PTPRG: variants seen among roughly 807,000 people sequenced by gnomAD.
PTPRG encodes protein tyrosine phosphatase receptor type G.
Under a neutral mutation model 165.3 loss-of-function variants are expected in PTPRG, and 102 were observed. The ratio of observed to expected loss-of-function variants is 0.62; its 90% confidence interval spans 0.53 to 0.73. PTPRG has a LOEUF of 0.73. PTPRG is among the 30% of genes least tolerant of loss of function. The probability of loss-of-function intolerance (pLI) is 0.00; values close to 1 mark genes in which losing one functional copy is unlikely to be tolerated. For synonymous variants in PTPRG, 675 were observed against 669.5 expected, an observed-to-expected ratio of 1.01 and a Z score of -0.13; for missense variants, 1,866 against 1,861.4, an observed-to-expected ratio of 1.00 and a Z score of -0.05.
chr3:61,739,878 A>G (rs1426671711), intron 1 of PTPRG, among the ~76,000 whole-genome samples: 2 of 152,242 alleles, frequency 1.3e-5, no homozygotes, highest in East Asian at 3.9e-4. Flanking sequence ...TGCTATTCAC[A>G]TAGCATATTG....
chr3:61,660,883 T>A (rs1702640019), intron 1 of PTPRG, among the ~76,000 whole-genome samples: 1 of 151,998 alleles, frequency 6.6e-6, no homozygotes, highest in Non-Finnish European at 1.5e-5. Flanking sequence ...CACCTTGTAA[T>A]CCCAGCTACT....
At chr3:61,981,931 TAA>T (rs2040652282) in intron 2 of PTPRG, among the ~76,000 whole-genome samples, 1 of 152,242 alleles carries the variant, frequency 6.6e-6, no homozygotes, top group African/African-American at 2.4e-5. Context: ...TCTTTATGAA[TAA>T]CTAGTCATAC....
chr3:62,088,907 C>T (rs7620387), intron 5 of PTPRG, among the ~76,000 whole-genome samples: 3,750 of 152,234 alleles, frequency 0.025, 157 homozygotes, highest in African/African-American at 0.085. Context: ...TTGTCTCTTG[C>T]GAAATCTTTT....
At chr3:61,930,736 G>T (rs748108997) in intron 2 of PTPRG, among the ~76,000 whole-genome samples, 1 of 152,136 alleles carries the variant, frequency 6.6e-6, no homozygotes, top group Non-Finnish European at 1.5e-5. Context: ...TAATTATGCT[G>T]TCGAACCACT....
At position 62,120,215 on chromosome 3, in the gene PTPRG, G is replaced by C. The variant is rs116890195; in HGVS notation, c.616-12387G>C. On this transcript the variant is annotated intron_variant, in intron 5 of 29. Transcript: ENST00000474889. ...TACAGCAGAGAAAGCAGGCAAACCAGTTAGGTCAGGCTTCTGGAAGTGGTT... is the reference window on the plus strand; with the variant it reads ...TACAGCAGAGAAAGCAGGCAAACCACTTAGGTCAGGCTTCTGGAAGTGGTT... 6.7e-3 allele frequency among the ~76,000 whole-genome samples: 1,013 copies of C among 152,226 alleles called. 26 individuals are homozygous for C. The highest frequency in any genetic ancestry group is 0.046 in the East Asian group (237 of 5,178).
Position 61,748,992 on chromosome 3 carries a change from G to A in PTPRG, c.190+10G>A, listed in dbSNP as rs1474815492. 1.2e-6 allele frequency: 2 copies of A among 1,607,200 alleles called. No individual in the cohort carries two copies. Among genetic ancestry groups the A allele is most frequent in the Non-Finnish European group, 8.5e-7 (1 of 1,174,652 alleles). On this transcript the variant is annotated intron_variant, in intron 2 of 29. Coordinates refer to ENST00000474889, the MANE Select transcript of PTPRG (RefSeq NM_002841.4). ...TACTGGGCCTACTCTGGTAAGTCCA[G>A]TTGTTCTAATGGAGATCACACAGGC...
chr3:62,276,906 A>G, intron 24 of PTPRG, 66 bp from the exon 25 acceptor site: 3 of 1,222,146 alleles, frequency 2.5e-6, no homozygotes, highest in South Asian at 1.3e-5. Context: ...CAAATCTCAG[A>G]AAGAGCTGTT....
At chr3:61,844,874 C>T (rs967644651) in intron 2 of PTPRG, among the ~76,000 whole-genome samples, 1 of 152,124 alleles carries the variant, frequency 6.6e-6, no homozygotes, top group African/African-American at 2.4e-5. Context: ...TTTAAAGGGA[C>T]ATTGAATGGT....
intron 14 of PTPRG, among the ~76,000 whole-genome samples, chr3:62,242,530 C>T (rs1037866930): frequency 2.0e-5 from 3 of 152,176 alleles, no homozygotes; most frequent in Non-Finnish European, 2.9e-5. Context: ...GCGCTTCATA[C>T]TATGACATGT....
At chr3:61,657,424 G>T (rs1421438564) in intron 1 of PTPRG, among the ~76,000 whole-genome samples, 1 of 152,092 alleles carries the variant, frequency 6.6e-6, no homozygotes, top group Non-Finnish European at 1.5e-5. Context: ...TTTGAGGCCA[G>T]GAGTTTGGTA....
Position 61,676,471 on chromosome 3 carries a change from A to AAAAAAAAAAAG in PTPRG, c.86-72404_86-72403insAAAAAAAGAAA, listed in dbSNP as rs369505317. On this transcript the variant is annotated intron_variant, in intron 1 of 29. Transcript: ENST00000474889. ...GACTCCATCTCAAAAAAAAAAAAAA[A>AAAAAAAAAAAG]AAAGAAAATTACTAAAGTCTGTGAA... Among the ~76,000 whole-genome samples, 555 of 97,896 alleles carry AAAAAAAAAAAG rather than the reference A, an allele frequency of 5.7e-3. 32 individuals carry two copies. The highest frequency in any genetic ancestry group is 8.8e-3 in the Non-Finnish European group (373 of 42,430). The allele number at this position is 97,896 out of a possible 152,430, so 64.2% of individuals were successfully genotyped here. A position where few individuals can be genotyped will look rare whatever the true frequency, so the allele number is the denominator to read the frequency against.
chr3:61,843,179 A>G (rs564522595), intron 2 of PTPRG, among the ~76,000 whole-genome samples: 1 of 152,302 alleles, frequency 6.6e-6, no homozygotes, highest in South Asian at 2.1e-4. Flanking sequence ...TCCCACCAAT[A>G]TTTGAAAATG....
chr3:62,201,489 T>C lies in PTPRG; in HGVS notation c.1328-16T>C. ...AAAAAGTTATATTGCTTAAATGTAATTTCTTTGTTTCTCAGCTAATACCAC... is the reference window on the plus strand; with the variant it reads ...AAAAAGTTATATTGCTTAAATGTAACTTCTTTGTTTCTCAGCTAATACCAC... On this transcript the variant is annotated splice_polypyrimidine_tract_variant and intron_variant, in intron 10 of 29. Transcript: ENST00000474889. 1 of 1,587,924 alleles carries C rather than the reference T, an allele frequency of 6.3e-7. No individual in the cohort carries two copies. Among genetic ancestry groups the C allele is most frequent in the Non-Finnish European group, 8.6e-7 (1 of 1,165,324 alleles).
chr3:61,985,004 C>T (rs549899759), intron 2 of PTPRG, among the ~76,000 whole-genome samples: 1 of 152,226 alleles, frequency 6.6e-6, no homozygotes, highest in African/African-American at 2.4e-5. Context: ...TTACCACTTC[C>T]TGTCAGATGT....
intron 8 of PTPRG, 71 bp from the exon 9 acceptor site, chr3:62,191,398 G>C: frequency 2.7e-6 from 4 of 1,467,076 alleles, no homozygotes; most frequent in Non-Finnish European, 3.7e-6. Context: ...TGAGGCTGCA[G>C]TCCTTAGGGG....
At chr3:61,638,532 GA>G (rs34739587) in intron 1 of PTPRG, among the ~76,000 whole-genome samples, 91,217 of 141,548 alleles carry the variant, frequency 0.64, 29,521 homozygotes, top group East Asian at 0.76. Context: ...TCATAGAATT[GA>G]AAAAAAAAAT....
intron 2 of PTPRG, among the ~76,000 whole-genome samples, chr3:61,970,346 A>G (rs1269934778): frequency 6.6e-6 from 1 of 152,168 alleles, no homozygotes; most frequent in Admixed American, 6.5e-5. Context: ...TTGTTTTGAA[A>G]AATCACTGAC....
At chr3:62,105,079 T>A (rs541307500) in intron 5 of PTPRG, among the ~76,000 whole-genome samples, 3 of 152,290 alleles carry the variant, frequency 2.0e-5, no homozygotes, top group Non-Finnish European at 4.4e-5. Flanking sequence ...TTAAAAGAAC[T>A]GTGGTCATTT....
intron 23 of PTPRG, among the ~76,000 whole-genome samples, chr3:62,274,318 T>A (rs982687531): frequency 6.6e-6 from 1 of 152,136 alleles, no homozygotes; most frequent in African/African-American, 2.4e-5. Context: ...TTTTCCTAAA[T>A]GGTTGTTCTT....
Sources: gnomAD v4.1 joint callset for allele counts (sites outside exome capture counted in the v4.1 genomes callset) on GRCh38, gnomAD v4.1.1 for gene constraint, MANE v1.5 for transcripts, NCBI Gene and HGNC (gene_info 2026-07-23, HGNC 2026-07-21) for gene names.